Variants in ASH1L observed in about 807,000 individuals in gnomAD.
The protein encoded by ASH1L is histone-lysine N-methyltransferase ASH1L.
A neutral mutation model predicts 269.0 loss-of-function variants in ASH1L; 23 were observed. That is an observed-to-expected ratio of 0.09 (90% CI 0.06 to 0.12). The LOEUF is 0.12. ASH1L is among the 10% of genes least tolerant of loss of function. The pLI is 1.00. For synonymous variants in ASH1L, 1,187 were observed against 1,253.5 expected (o/e 0.95, Z 1.12); for missense variants, 2,912 against 3,567.8 (o/e 0.82, Z 4.68).
chr1:155,520,941 T>C (rs1395025779), intron 2 of ASH1L, among the ~76,000 whole-genome samples, 159 bp downstream of exon 2: 1 of 152,222 alleles, frequency 6.6e-6, no homozygotes, highest in Non-Finnish European at 1.5e-5. Context: ...ACTTACATCT[T>C]TGACAAGCCT....
At position 155,480,488 on chromosome 1, in the gene ASH1L, A is replaced by G; in HGVS notation, c.2382T>C (p.Ala794=). ...ACTTATGAGATGGTTTTTCACTATC[A>G]GCTAAGAGAGCAAGAGATGGAGCTG... is the stretch of plus-strand genomic sequence containing the variant. ...KSTAPSLALL[A]DSEKPSHKSF... The change falls in exon 3 of 28, where the codon GCT becomes GCC. Residue 794 remains alanine, a synonymous_variant. Coordinates refer to ENST00000392403, the MANE Select transcript of ASH1L (RefSeq NM_018489.3). The G allele has an allele frequency of 6.2e-7, 1 of 1,614,096 alleles. No individual in the cohort carries two copies. The highest frequency in any genetic ancestry group is 8.5e-7 in the Non-Finnish European group (1 of 1,179,936).
In ASH1L at chr1:155,337,731, G is replaced by C. The variant is rs764298082; in HGVS notation, c.8824C>G (p.Leu2942Val). 6.2e-7 allele frequency: 1 copy of C among 1,614,042 alleles called. No individual in the cohort carries two copies. The highest frequency in any genetic ancestry group is 1.7e-5 in the Admixed American group (1 of 60,024). Residue 2942 changes from leucine to valine, a missense_variant, in exon 28 of 28, where the codon CTG becomes GTG. This residue lies in a region of ASH1L where 154 missense variants were observed against 165.0 expected (regional missense o/e 0.93). Coordinates refer to ENST00000392403, the MANE Select transcript of ASH1L (RefSeq NM_018489.3). The stretch of plus-strand genomic sequence containing the variant: ...AGTTTCCTGCCTGATCCTTCCTCCA[G>C]CAAGTAGGTCACATCAATGGCTGAA... ...GKNAIDVTYLLEEGSGRKLRR... is the reference protein window; with the variant it reads ...GKNAIDVTYLVEEGSGRKLRR...
At chr1:155,416,443 T>C (rs552831844) in intron 5 of ASH1L, among the ~76,000 whole-genome samples, 4 of 152,230 alleles carry the variant, frequency 2.6e-5, no homozygotes, top group African/African-American at 4.8e-5. Context: ...AGACAATTAT[T>C]ATCAGATACT....
intron 25 of ASH1L, among the ~76,000 whole-genome samples, chr1:155,341,368 G>A (rs1352261240): frequency 6.6e-6 from 1 of 152,096 alleles, no homozygotes; most frequent in African/African-American, 2.4e-5. Flanking sequence ...AGTAGAGAGG[G>A]GGTTTCACCG....
intron 2 of ASH1L, among the ~76,000 whole-genome samples, chr1:155,520,637 C>T (rs1668820974): frequency 6.6e-6 from 1 of 151,488 alleles, no homozygotes; most frequent in South Asian, 2.1e-4. Context: ...CTAAGGTGGA[C>T]GGATCACCTG....
chr1:155,492,220 G>T (rs747627153), intron 2 of ASH1L, among the ~76,000 whole-genome samples: 12 of 150,916 alleles, frequency 8.0e-5, no homozygotes, highest in African/African-American at 2.9e-4. Context: ...GGCTAATTCT[G>T]TATTTTTGGT....
chr1:155,400,263 C>T lies in ASH1L; in HGVS notation c.6009-4710G>A, dbSNP rs1658715716. Among the ~76,000 whole-genome samples, 3 of 150,144 alleles carry T rather than the reference C, an allele frequency of 2.0e-5. 1 individual carries two copies. The Admixed American group carries it at 2.0e-4, about 10-fold the overall frequency. ...AGGAGAATCGCTTGAATCTAGGAGG[C>T]AGAGGTTGTAGTGAGCCGAGATCGC... On this transcript the variant is annotated intron_variant, in intron 6 of 27. Transcript: ENST00000392403.
chr1:155,563,198 G>T (rs1672172325), upstream of ASH1L: 1 of 456,640 alleles, frequency 2.2e-6, no homozygotes, highest in South Asian at 1.5e-5. Flanking sequence ...GGAGGCCGCG[G>T]CGGCTGCGCG....
intron 5 of ASH1L, among the ~76,000 whole-genome samples, chr1:155,424,532 C>A (rs1418640370): frequency 6.6e-6 from 1 of 151,406 alleles, no homozygotes; most frequent in Non-Finnish European, 1.5e-5. Context: ...CTCAGCCTCC[C>A]GAGTACCTGG....
chr1:155,446,154 G>C (rs1339850430), intron 4 of ASH1L, among the ~76,000 whole-genome samples: 1 of 151,188 alleles, frequency 6.6e-6, no homozygotes. Context: ...AAACTGCTGG[G>C]ATTACAGGCG....
chr1:155,482,536 C>A, intron 2 of ASH1L, 87 bp from the exon 3 acceptor site: 1 of 1,349,706 alleles, frequency 7.4e-7, no homozygotes. Context: ...ACTAATGGAT[C>A]ACATATCAGA....
At chr1:155,390,198 T>A (rs1031708057) in intron 7 of ASH1L, among the ~76,000 whole-genome samples, 3 of 140,946 alleles carry the variant, frequency 2.1e-5, no homozygotes, top group African/African-American at 5.0e-5. Flanking sequence ...ATTAAGAGAC[T>A]AATAAGGGAA....
intron 10 of ASH1L, among the ~76,000 whole-genome samples, chr1:155,372,553 C>T (rs551119669): frequency 5.2e-4 from 79 of 152,136 alleles, no homozygotes; most frequent in Admixed American, 7.9e-4. Flanking sequence ...AAGTGATCCG[C>T]CCACCTCAGC....
intron 3 of ASH1L, among the ~76,000 whole-genome samples, chr1:155,475,653 T>C (rs1665482395): frequency 6.6e-6 from 1 of 152,254 alleles, no homozygotes; most frequent in Non-Finnish European, 1.5e-5. Flanking sequence ...AGGTCAGATA[T>C]CAGGCATTTA....
At chr1:155,449,576 G>A (rs535426162) in intron 4 of ASH1L, among the ~76,000 whole-genome samples, 1 of 150,186 alleles carries the variant, frequency 6.7e-6, no homozygotes, top group East Asian at 2.0e-4. Context: ...CTGCAGTGCA[G>A]TGGCACGATC....
chr1:155,485,125 G>A (rs1460463562), intron 2 of ASH1L, among the ~76,000 whole-genome samples: 1 of 150,552 alleles, frequency 6.6e-6, no homozygotes, highest in Non-Finnish European at 1.5e-5. Flanking sequence ...GCATGGTGGC[G>A]CATGCCTGTA....
chr1:155,532,537 C>G (rs1452131049), intron 1 of ASH1L, among the ~76,000 whole-genome samples: 1 of 152,050 alleles, frequency 6.6e-6, no homozygotes, highest in African/African-American at 2.4e-5. Context: ...ATATAGTGGT[C>G]TGGGCTGGGC....
chr1:155,502,160 T>C (rs1283631688), intron 2 of ASH1L, among the ~76,000 whole-genome samples: 8 of 147,634 alleles, frequency 5.4e-5, no homozygotes, highest in Non-Finnish European at 1.0e-4. Flanking sequence ...AACCTCCGCC[T>C]CCCGGGTTCA....
intron 4 of ASH1L, among the ~76,000 whole-genome samples, chr1:155,459,118 T>C (rs1664094509): frequency 6.6e-6 from 1 of 151,936 alleles, no homozygotes. Context: ...TTAATAGAGG[T>C]TCTCCTCATG....
Sources: allele counts gnomAD v4.1 joint callset (sites outside exome capture counted in the v4.1 genomes callset), GRCh38; gene constraint gnomAD v4.1.1; regional missense constraint gnomAD v4.1.1; transcripts MANE v1.5; gene names NCBI Gene and HGNC (gene_info 2026-07-23, HGNC 2026-07-21).